The following DNAH17 variants were observed in gnomAD, a reference collection of about 807,000 sequenced individuals.
DNAH17 encodes the protein dynein axonemal heavy chain 17.
DNAH17 carries 376 observed loss-of-function variants against 485.6 expected under a neutral mutation model. The observed-to-expected ratio is 0.77, with a 90% CI of 0.71 to 0.84. DNAH17 has a LOEUF of 0.84. DNAH17 is among the 40% of genes least tolerant of loss of function. The pLI is 0.00. For missense variants in DNAH17, 6,370 were observed against 5,839.3 expected (o/e 1.09, Z -2.96); for synonymous variants, 3,031 against 2,405.9 (o/e 1.26, Z -7.60).
intron 11 of DNAH17, among the ~76,000 whole-genome samples, chr17:78,565,729 G>A (rs923672874): frequency 1.3e-5 from 2 of 152,120 alleles, no homozygotes; most frequent in South Asian, 2.1e-4. Flanking sequence ...TGAGGTGGGC[G>A]GATCACCTGA....
intron 2 of DNAH17, 149 bp from the exon 3 acceptor site, chr17:78,573,043 T>C: frequency 1.5e-6 from 1 of 668,504 alleles, no homozygotes; most frequent in Non-Finnish European, 2.5e-6. Context: ...CCCAGGGGGA[T>C]TCCAAAGACC....
intron 25 of DNAH17, among the ~76,000 whole-genome samples, chr17:78,521,232 C>G (rs1319743811): frequency 6.6e-6 from 1 of 152,102 alleles, no homozygotes; most frequent in East Asian, 1.9e-4. Context: ...ATGGCGAAAC[C>G]CCATCTCTAC....
intron 16 of DNAH17, among the ~76,000 whole-genome samples, chr17:78,544,244 C>A (rs750199012): frequency 6.6e-6 from 1 of 152,172 alleles, no homozygotes; most frequent in Non-Finnish European, 1.5e-5. Flanking sequence ...ACAGAAAGAC[C>A]ATTGAGATGT....
rs777477760 is a variant in DNAH17 at position 78,455,719 on chromosome 17, G to A, written c.10095C>T (p.Tyr3365=). 27 of 1,607,978 alleles carry A rather than the reference G, an allele frequency of 1.7e-5. No homozygotes were observed. The highest frequency in any genetic ancestry group is 8.9e-5 in the South Asian group (8 of 89,562). Residue 3365 remains tyrosine, a synonymous_variant, in exon 63 of 81, where the codon TAC becomes TAT. Coordinates refer to ENST00000389840, the MANE Select transcript of DNAH17 (RefSeq NM_173628.4). ...GGTATTTCTTGGTGAAGTAGCCCAC[G>A]TAGGACACGAAGGCAGAGATGAGCA... ...DVLLISAFVS[Y]VGYFTKKYRN...
In DNAH17 at chr17:78,424,117, T is replaced by C; in HGVS notation, c.13178A>G (p.Glu4393Gly). ...CGGGGTCAGCTCTTTCAGCCGCGCT[T>C]CAGCGATGACTCCAGTCTGGGTGTC... ...RWDTQTGVIAEARLKELTPAM... is the reference protein window; with the variant it reads ...RWDTQTGVIAGARLKELTPAM... The change falls in exon 81 of 81, where the codon GAA (glutamate) becomes GGA (glycine). Residue 4393 changes from glutamate (E) to glycine (G), a missense_variant. Transcript: ENST00000389840. 6.2e-7 allele frequency: 1 copy of C among 1,613,554 alleles called. No homozygotes were observed. Among genetic ancestry groups the C allele is most frequent in the Non-Finnish European group, 8.5e-7 (1 of 1,179,852 alleles).
rs112364618 is a variant in DNAH17 at position 78,513,284 on chromosome 17, T to C, written c.4113+1490A>G. Among the ~76,000 whole-genome samples the C allele has an allele frequency of 3.1e-3, 469 of 152,226 alleles. 5 individuals carry two copies. The highest frequency in any genetic ancestry group is 0.011 in the African/African-American group (449 of 41,538). On this transcript the variant is annotated intron_variant, in intron 26 of 80. Transcript: ENST00000389840. The stretch of plus-strand genomic sequence containing the variant: ...ACCAAACAGAATGTTTGTAGCAACA[T>C]GATACAACACATGACAGATAGCAGG...
In DNAH17 at chr17:78,501,278, G is replaced by A. The variant is rs2090278882; in HGVS notation, c.5389C>T (p.His1797Tyr). Residue 1797 changes from histidine to tyrosine, a missense_variant, in exon 35 of 81, where the codon CAC becomes TAC. His to Tyr is a moderately conservative substitution (Grantham distance 83). Transcript: ENST00000389840. ...LRHRWDEEKR[H>Y]CFANICDAQI... ...GCATCGCAGATGTTGGCAAAGCAGT[G>A]TCGCTTCTCTTCGTCCCAGCGATGC... is the stretch of plus-strand genomic sequence containing the variant. The A allele has an allele frequency of 2.5e-6, 4 of 1,608,948 alleles. No individual in the cohort carries two copies. The highest frequency in any genetic ancestry group is 3.4e-6 in the Non-Finnish European group (4 of 1,175,710).
Position 78,458,587 on chromosome 17 carries a change from T to A in DNAH17, c.9955A>T (p.Arg3319Trp), listed in dbSNP as rs146123326. The A allele has an allele frequency of 1.2e-6, 2 of 1,613,992 alleles. No homozygotes were observed. Among genetic ancestry groups the A allele is most frequent in the South Asian group, 1.1e-5 (1 of 91,084 alleles). ...KCQQEADATN[R>W]VILLANRLVG... ...TACCTGTTCGCCAGTAAGATCACCC[T>A]GTTCGTGGCATCGGCCTCTTGCTGA... Residue 3319 changes from arginine (R) to tryptophan (W), a missense_variant, in exon 62 of 81, where the codon AGG (arginine) becomes TGG (tryptophan). By Grantham distance (101) the Arg-to-Trp change is moderately radical. Coordinates refer to ENST00000389840, the MANE Select transcript of DNAH17 (RefSeq NM_173628.4).
chr17:78,544,985 A>T (rs368719322), intron 16 of DNAH17, among the ~76,000 whole-genome samples: 5 of 152,010 alleles, frequency 3.3e-5, no homozygotes, highest in African/African-American at 7.2e-5. Flanking sequence ...ATATCTCCCT[A>T]TCCTCCATCC....
chr17:78,470,069 CTTTTTTTTT>C (rs34298026), intron 54 of DNAH17, among the ~76,000 whole-genome samples: 1 of 93,366 alleles, frequency 1.1e-5, no homozygotes. Context: ...ATGTCTTACT[CTTTTTTTTT>C]TTTTTTTTTT....
At chr17:78,433,321 C>T (rs967993331) in intron 75 of DNAH17, among the ~76,000 whole-genome samples, 3 of 152,166 alleles carry the variant, frequency 2.0e-5, no homozygotes, top group South Asian at 2.1e-4. Flanking sequence ...TAGCAGGGTA[C>T]GTGCTGCTTA....
intron 74 of DNAH17, among the ~76,000 whole-genome samples, chr17:78,435,326 C>G (rs1271471711): frequency 3.3e-5 from 5 of 152,178 alleles, no homozygotes; most frequent in Non-Finnish European, 7.3e-5. Context: ...GCACTCAGGT[C>G]TGGGGCATCG....
At position 78,570,934 on chromosome 17, in the gene DNAH17, C is replaced by G. The variant is rs372315157; in HGVS notation, c.918+14G>C. ...ACCCTCCCCACCAAAGCCGGCTCTC[C>G]CTTGCCTGCGCACCATCGTGAAGTC... On this transcript the variant is annotated intron_variant, in intron 6 of 80. Coordinates refer to ENST00000389840, the MANE Select transcript of DNAH17 (RefSeq NM_173628.4). The G allele has an allele frequency of 4.7e-5, 74 of 1,572,180 alleles. 1 individual carries two copies. In the African/African-American group the frequency reaches 8.7e-4, roughly 18 times the overall value.
chr17:78,503,833 G>A (rs545533733), intron 31 of DNAH17, among the ~76,000 whole-genome samples: 1 of 152,100 alleles, frequency 6.6e-6, no homozygotes, highest in South Asian at 2.1e-4. Flanking sequence ...GGGCACGGTG[G>A]CAGGCACCTG....
chr17:78,444,781 T>G lies in DNAH17; in HGVS notation c.11351A>C (p.Asp3784Ala), dbSNP rs888030135. 2 of 1,575,638 alleles carry G rather than the reference T, an allele frequency of 1.3e-6. No homozygotes were observed. The highest frequency in any genetic ancestry group is 1.7e-6 in the Non-Finnish European group (2 of 1,163,974). Residue 3784 changes from aspartate (D) to alanine (A), a missense_variant, in exon 71 of 81, where the codon GAT (aspartate) becomes GCT (alanine). Physicochemically the swap from Asp to Ala is moderately radical, Grantham distance 126. Coordinates refer to ENST00000389840, the MANE Select transcript of DNAH17 (RefSeq NM_173628.4). The part of the protein sequence containing the change: ...WGGIKALSEM[D>A]EFKNLDSDIE... Reference sequence around the variant, plus strand: ...GTCACTGTCCAGATTTTTGAACTCATCCATCTCCGAGAGGGCCTAGGGGCA... The same window carrying G: ...GTCACTGTCCAGATTTTTGAACTCAGCCATCTCCGAGAGGGCCTAGGGGCA...
At position 78,532,593 on chromosome 17, in the gene DNAH17, A is replaced by G. The variant is rs775466290; in HGVS notation, c.3003T>C (p.Phe1001=). The G allele has an allele frequency of 2.4e-5, 38 of 1,608,436 alleles. No homozygotes were observed. The highest frequency in any genetic ancestry group is 3.2e-5 in the Non-Finnish European group (38 of 1,177,412). The part of the protein sequence containing the change: ...SYLWTDNLQE[F]MKNFLIYGCA... ...ACCCATATATCAGGAAATTCTTCAT[A>G]AACTCCTGCAGGTTGTCCGTCCAGA... The change falls in exon 20 of 81, where the codon TTT becomes TTC. Residue 1001 remains phenylalanine, a synonymous_variant. Transcript: ENST00000389840.
intron 54 of DNAH17, among the ~76,000 whole-genome samples, chr17:78,473,556 A>AAAAG (rs1336674210): frequency 1.1e-4 from 17 of 151,532 alleles, no homozygotes; most frequent in African/African-American, 4.1e-4. Flanking sequence ...AAAAAAAAAA[A>AAAAG]AAAAAAAAAG....
chr17:78,546,688 C>G (rs1320924794), intron 16 of DNAH17, among the ~76,000 whole-genome samples: 6 of 152,192 alleles, frequency 3.9e-5, no homozygotes, highest in Admixed American at 3.3e-4. Flanking sequence ...GATGGATCAC[C>G]TGAGGCCAGG....
At chr17:78,571,931 G>A (rs1007124352) in intron 3 of DNAH17, 149 bp from the exon 4 acceptor site, 48 of 719,330 alleles carry the variant, frequency 6.7e-5, no homozygotes, top group Non-Finnish European at 8.7e-5. Context: ...CAGCCACCTC[G>A]GGGACGCTAA....
Sources: gnomAD v4.1 joint callset for allele counts (sites outside exome capture counted in the v4.1 genomes callset) on GRCh38, gnomAD v4.1.1 for gene constraint, MANE v1.5 for transcripts, NCBI Gene and HGNC (gene_info 2026-07-23, HGNC 2026-07-21) for gene names.